ZNF680: variants seen among roughly 807,000 people sequenced by gnomAD.
ZNF680 encodes hypothetical protein FLJ90430.
A neutral mutation model predicts 12.1 loss-of-function variants in ZNF680; 6 were observed. That is an observed-to-expected ratio of 0.49 (90% confidence interval 0.27 to 0.98). ZNF680 has a LOEUF of 0.98. Among genes scored for constraint, ZNF680 ranks in the 50% least tolerant of loss-of-function variants. The pLI, the probability that ZNF680 is intolerant of heterozygous loss-of-function variation, is 0.12. For missense variants in ZNF680, 561 were observed against 616.3 expected (o/e 0.91, Z 0.95); for synonymous variants, 170 against 199.3 (o/e 0.85, Z 1.24).
At chr7:64,553,121 T>C (rs1233034133) in intron 1 of ZNF680, among the ~76,000 whole-genome samples, 1 of 129,390 alleles carries the variant, frequency 7.7e-6, no homozygotes, top group Admixed American at 8.0e-5. Context: ...TAACACTCTA[T>C]CTCAAAAAAA....
Position 64,520,609 on chromosome 7 carries a change from A to G in ZNF680, c.*552T>C, listed in dbSNP as rs1424017116. The stretch of plus-strand genomic sequence containing the variant: ...CATGTTTTCTACGCCGTAGTTTTTG[A>G]AAAAAAATGTTTTTCCAAATTCATT... On this transcript the variant is annotated 3_prime_UTR_variant, in exon 4 of 4. Transcript: ENST00000309683. 6.6e-6 allele frequency: 1 copy of G among 151,670 alleles called. No individual in the cohort carries two copies. The highest frequency in any genetic ancestry group is 1.9e-4 in the East Asian group (1 of 5,196). 9.4% of individuals were successfully genotyped at this position (151,670 alleles called of 1,614,324 possible).
intron 1 of ZNF680, among the ~76,000 whole-genome samples, chr7:64,545,413 G>T (rs777158020): frequency 1.3e-5 from 2 of 151,778 alleles, no homozygotes; most frequent in Non-Finnish European, 2.9e-5. Context: ...GATAATTTAT[G>T]CACATCAGCT....
intron 3 of ZNF680, chr7:64,526,186 G>C: frequency 1.0e-6 from 1 of 953,456 alleles, no homozygotes; most frequent in Non-Finnish European, 1.3e-6. Context: ...AAAACTCTTA[G>C]AAGAAGAATG....
intron 3 of ZNF680, chr7:64,525,240 C>G (rs1791775239): frequency 6.6e-6 from 1 of 152,142 alleles, no homozygotes; most frequent in Admixed American, 6.5e-5. Flanking sequence ...TAAACTTACA[C>G]ATATATGATC....
At chr7:64,557,516 C>T (rs1433773969) in intron 1 of ZNF680, among the ~76,000 whole-genome samples, 1 of 151,992 alleles carries the variant, frequency 6.6e-6, no homozygotes, top group South Asian at 2.1e-4. Flanking sequence ...GATCGTGCCA[C>T]TGCACTCCAG....
At chr7:64,559,100 T>C (rs767572707) in intron 1 of ZNF680, among the ~76,000 whole-genome samples, 3 of 152,094 alleles carry the variant, frequency 2.0e-5, no homozygotes, top group Admixed American at 6.6e-5. Flanking sequence ...CCCTTCTCTC[T>C]CTCCCTCAGT....
In ZNF680 at chr7:64,563,025, A is replaced by G. The variant is rs1451340985; in HGVS notation, c.-71T>C. The G allele has an allele frequency of 1.3e-6, 2 of 1,577,300 alleles. No individual in the cohort carries two copies. The highest frequency in any genetic ancestry group is 1.3e-5 in the African/African-American group (1 of 74,094). On this transcript the variant is annotated 5_prime_UTR_variant, in exon 1 of 4. Transcript: ENST00000309683. The stretch of plus-strand genomic sequence containing the variant: ...GGCTGGGCCTCTAGGAGCAGAATAC[A>G]CAGAGCAGTAAAGACTAGACCTGGA...
the ZNF680 span, among the ~76,000 whole-genome samples, chr7:64,513,565 A>T: frequency 6.6e-6 from 1 of 152,158 alleles, no homozygotes; most frequent in Non-Finnish European, 1.5e-5. Context: ...AATTGAAGAA[A>T]ATTGTTTATA....
rs190872930 is a variant in ZNF680 at position 64,554,610 on chromosome 7, T to A, written c.30+8315A>T. Among the ~76,000 whole-genome samples, 238 of 152,146 alleles carry A rather than the reference T, an allele frequency of 1.6e-3. 1 individual carries two copies. Among genetic ancestry groups the A allele is most frequent in the Non-Finnish European group, 2.6e-3 (178 of 67,988 alleles). On this transcript the variant is annotated intron_variant, in intron 1 of 3. Transcript: ENST00000309683. The stretch of plus-strand genomic sequence containing the variant: ...GATTGTTTCTGTGTGTGGAAAGAAG[T>A]GGACATGGGAGACTCCATTTTGTTC...
At chr7:64,530,829 G>C (rs879516301) in intron 3 of ZNF680, among the ~76,000 whole-genome samples, 1 of 151,246 alleles carries the variant, frequency 6.6e-6, no homozygotes, top group Non-Finnish European at 1.5e-5. Context: ...CTGCACTCCA[G>C]CCTGGGCAAC....
downstream of ZNF680, among the ~76,000 whole-genome samples, chr7:64,518,305 A>C (rs1791394653): frequency 1.3e-5 from 2 of 152,166 alleles, no homozygotes; most frequent in East Asian, 3.9e-4. Context: ...AATTAAATCA[A>C]GAATGCAACT....
At chr7:64,524,363 C>T (rs1195279560) in intron 3 of ZNF680, among the ~76,000 whole-genome samples, 1 of 152,024 alleles carries the variant, frequency 6.6e-6, no homozygotes, top group Non-Finnish European at 1.5e-5. Context: ...CTCCTGACCT[C>T]AGGCAATCCA....
downstream of ZNF680, among the ~76,000 whole-genome samples, chr7:64,516,402 C>G (rs1385958448): frequency 6.6e-6 from 1 of 152,062 alleles, no homozygotes; most frequent in Non-Finnish European, 1.5e-5. Flanking sequence ...GGAGACAGCC[C>G]AAATATTCTG....
chr7:64,534,534 G>A (rs578106251), intron 3 of ZNF680, among the ~76,000 whole-genome samples: 184 of 152,288 alleles, frequency 1.2e-3, no homozygotes, highest in Non-Finnish European at 2.0e-3. Context: ...CAGATGCGGT[G>A]ATCAGGGAAC....
the ZNF680 span, chr7:64,501,353 G>GAC: frequency 8.2e-7 from 1 of 1,225,640 alleles, no homozygotes; most frequent in Non-Finnish European, 1.2e-6. Context: ...TCTAAGAGTG[G>GAC]ACAGCAGGGA....
At chr7:64,544,644 A>AT (rs1361034777) in intron 1 of ZNF680, among the ~76,000 whole-genome samples, 2 of 152,248 alleles carry the variant, frequency 1.3e-5, no homozygotes, top group African/African-American at 4.8e-5. Flanking sequence ...AGAGAACAGC[A>AT]TAAGATCCAC....
the ZNF680 span, among the ~76,000 whole-genome samples, chr7:64,507,246 A>G: frequency 6.6e-6 from 1 of 152,168 alleles, no homozygotes; most frequent in Admixed American, 6.5e-5. Context: ...AGTTTAACTC[A>G]AAAAAGTAGA....
At chr7:64,546,335 T>TA (rs1198661506) in intron 1 of ZNF680, among the ~76,000 whole-genome samples, 1 of 152,178 alleles carries the variant, frequency 6.6e-6, no homozygotes, top group Non-Finnish European at 1.5e-5. Context: ...GTTTACCTGC[T>TA]ACCACCACAC....
chr7:64,508,612 T>G, the ZNF680 span, among the ~76,000 whole-genome samples: 1 of 152,200 alleles, frequency 6.6e-6, no homozygotes, highest in African/African-American at 2.4e-5. Flanking sequence ...TTTTTAGGAC[T>G]TCTTGTCTAT....
Sources: allele counts gnomAD v4.1 joint callset (sites outside exome capture counted in the v4.1 genomes callset), GRCh38; gene constraint gnomAD v4.1.1; transcripts MANE v1.5; gene names NCBI Gene and HGNC (gene_info 2026-07-23, HGNC 2026-07-21).